MICAL3: variants seen among roughly 807,000 people sequenced by gnomAD.
MICAL3 encodes the protein [F-actin]-monooxygenase MICAL3.
A neutral mutation model predicts 207.4 loss-of-function variants in MICAL3; 62 were observed. The observed-to-expected ratio is 0.30, with a 90% CI of 0.24 to 0.37. The LOEUF is 0.37. Ranked by LOEUF, MICAL3 falls within the 10% of genes least tolerant of loss-of-function variation. MICAL3 has a pLI of 1.00. For missense variants in MICAL3, 2,368 were observed against 2,635.6 expected (o/e 0.90, Z 2.22); for synonymous variants, 1,077 against 1,069.3 (o/e 1.01, Z -0.14).
At chr22:18,011,717 T>C (rs1923747149) in intron 1 of MICAL3, among the ~76,000 whole-genome samples, 2 of 148,226 alleles carry the variant, frequency 1.3e-5, no homozygotes, top group South Asian at 4.3e-4. Context: ...ATAGTAAATA[T>C]ACTAATTAAA....
chr22:17,807,033 T>C (rs2061995989), intron 29 of MICAL3, among the ~76,000 whole-genome samples: 1 of 152,220 alleles, frequency 6.6e-6, no homozygotes, highest in African/African-American at 2.4e-5. Flanking sequence ...CACCTCAACC[T>C]CATGAGTAAG....
chr22:17,897,003 G>A, intron 7 of MICAL3, 22 bp from the exon 8 acceptor site: 2 of 1,594,662 alleles, frequency 1.3e-6, no homozygotes, highest in Non-Finnish European at 1.7e-6. Context: ...GAAAGAGGAG[G>A]GTAGGGATGG....
At chr22:17,860,693 C>T (rs1475628787) in intron 19 of MICAL3, 2 of 985,318 alleles carry the variant, frequency 2.0e-6, no homozygotes, top group Non-Finnish European at 2.4e-6. Context: ...TCCGTGGTGT[C>T]CTGGCAGCAG....
In MICAL3 at chr22:17,831,447, A is replaced by C. The variant is rs549007073; in HGVS notation, c.3055+407T>G. 2.6e-5 allele frequency among the ~76,000 whole-genome samples: 4 copies of C among 152,328 alleles called. No homozygotes were observed. The East Asian group carries it at 5.8e-4, about 22-fold the overall frequency. On this transcript the variant is annotated intron_variant, in intron 21 of 31. Coordinates refer to ENST00000441493, the MANE Select transcript of MICAL3 (RefSeq NM_015241.3). ...GCCCCATCCAGTGGGCACTAAGCTC[A>C]TAGCCACCTCCGAAACCCTAGACTA...
chr22:17,887,083 T>C (rs1321187970), intron 15 of MICAL3, 87 bp downstream of exon 15: 6 of 791,790 alleles, frequency 7.6e-6, no homozygotes, highest in Non-Finnish European at 1.0e-5. Context: ...TGAAAAGACC[T>C]AGCAATACCA....
At chr22:17,814,900 G>A (rs1307591092) in intron 27 of MICAL3, 2 of 148,768 alleles carry the variant, frequency 1.3e-5, no homozygotes, top group South Asian at 2.2e-4. Context: ...TAGCTTGGCC[G>A]TCCCGTAGGT....
At chr22:17,936,586 AAAAG>A (rs1933541919) in intron 1 of MICAL3, among the ~76,000 whole-genome samples, 2 of 152,066 alleles carry the variant, frequency 1.3e-5, no homozygotes, top group South Asian at 4.1e-4. Flanking sequence ...AAAAAAAAAA[AAAAG>A]AAACTTTCTG....
intron 16 of MICAL3, among the ~76,000 whole-genome samples, chr22:17,877,091 GGAGGTTAGGGAGGTTATGGAGGTT>G: frequency 1.3e-5 from 2 of 148,334 alleles, no homozygotes; most frequent in Non-Finnish European, 3.0e-5. Flanking sequence ...TGGAGGTTAT[GGAGGTTAGGGAGGTTATGGAGGTT>G]AGGGAGGTTA....
At chr22:17,875,859 C>T (rs950596952) in intron 16 of MICAL3, among the ~76,000 whole-genome samples, 2 of 152,278 alleles carry the variant, frequency 1.3e-5, no homozygotes, top group Middle Eastern at 3.4e-3. Context: ...GTAAGGCAGC[C>T]TGCAGGAAGG....
intron 1 of MICAL3, among the ~76,000 whole-genome samples, chr22:17,966,512 G>A (rs1193351957): frequency 6.6e-6 from 1 of 152,102 alleles, no homozygotes; most frequent in East Asian, 1.9e-4. Flanking sequence ...TTCTCCAATG[G>A]AAAATTCCTC....
chr22:17,845,557 G>A (rs1247505827), intron 19 of MICAL3, among the ~76,000 whole-genome samples: 3 of 152,106 alleles, frequency 2.0e-5, no homozygotes, highest in Non-Finnish European at 4.4e-5. Flanking sequence ...AAGGTGTTCT[G>A]GAGGCATATG....
At chr22:17,882,052 G>A (rs1293771376) in intron 16 of MICAL3, among the ~76,000 whole-genome samples, 1 of 152,196 alleles carries the variant, frequency 6.6e-6, no homozygotes, top group Non-Finnish European at 1.5e-5. Context: ...AGCATGCAGG[G>A]AGCCGGGGAG....
chr22:17,948,966 T>C (rs1246800031), intron 1 of MICAL3, among the ~76,000 whole-genome samples: 1 of 148,092 alleles, frequency 6.8e-6, no homozygotes, highest in African/African-American at 2.5e-5. Context: ...TCCCAGCCCT[T>C]TGGGAGGCCA....
rs1569125449 is a variant in MICAL3 at position 17,902,002 on chromosome 22, T to C, written c.590-23A>G. On this transcript the variant is annotated intron_variant, in intron 4 of 31. Coordinates refer to ENST00000441493, the MANE Select transcript of MICAL3 (RefSeq NM_015241.3). The surrounding 1 kb of genome is among the most constrained non-coding windows in gnomAD (Gnocchi z 4.5). ...TCCCTGTGAACCAAAACCAAATAAATGGGGGTCACCACCCAGACCACATTC... is the reference window on the plus strand; with the variant it reads ...TCCCTGTGAACCAAAACCAAATAAACGGGGGTCACCACCCAGACCACATTC... 5.8e-6 allele frequency: 9 copies of C among 1,563,616 alleles called. No individual in the cohort carries two copies. The highest frequency in any genetic ancestry group is 7.9e-6 in the Non-Finnish European group (9 of 1,138,508).
In MICAL3 at chr22:17,810,819, G is replaced by C. The variant is rs777358116; in HGVS notation, c.5446-6C>G. Reference sequence around the variant, plus strand: ...TCCTCCGTGTAGGTTCTTGGCTGGAGAGAACAAGAGAAACTTCCTCAGTCA... The same window carrying C: ...TCCTCCGTGTAGGTTCTTGGCTGGACAGAACAAGAGAAACTTCCTCAGTCA... On this transcript the variant is annotated splice_polypyrimidine_tract_variant and splice_region_variant and intron_variant, in intron 27 of 31. Transcript: ENST00000441493. 1.2e-6 allele frequency: 2 copies of C among 1,611,822 alleles called. No individual in the cohort carries two copies. Among genetic ancestry groups the C allele is most frequent in the Non-Finnish European group, 1.7e-6 (2 of 1,177,964 alleles).
chr22:17,927,038 CT>C (rs1347970061), intron 1 of MICAL3, among the ~76,000 whole-genome samples: 2 of 152,184 alleles, frequency 1.3e-5, no homozygotes, highest in East Asian at 3.8e-4. Flanking sequence ...ATCTCCAGAA[CT>C]TTTTTGTCAT....
intron 1 of MICAL3, among the ~76,000 whole-genome samples, chr22:17,977,955 G>C (rs561073800): frequency 2.0e-5 from 3 of 152,248 alleles, no homozygotes; most frequent in Non-Finnish European, 2.9e-5. Flanking sequence ...CTGGGAGGCG[G>C]AGGTTGTGGT....
chr22:17,807,750 G>A (rs1263010643), intron 29 of MICAL3, among the ~76,000 whole-genome samples: 1 of 152,172 alleles, frequency 6.6e-6, no homozygotes, highest in African/African-American at 2.4e-5. Context: ...GAGCCCATGG[G>A]TCAGTCTTTG....
intron 20 of MICAL3, chr22:17,839,622 G>C (rs1923796836): frequency 7.1e-6 from 1 of 141,226 alleles, no homozygotes; most frequent in East Asian, 2.1e-4. Context: ...GCTGGAGTTT[G>C]ATGGCACGAT....
Sources: gnomAD v4.1 joint callset for allele counts (sites outside exome capture counted in the v4.1 genomes callset) on GRCh38, gnomAD v4.1.1 for gene constraint, Gnocchi (gnomAD v3.1) non-coding constraint, MANE v1.5 for transcripts, NCBI Gene and HGNC (gene_info 2026-07-23, HGNC 2026-07-21) for gene names.